DIP2C: variants seen among roughly 807,000 people sequenced by gnomAD.
DIP2C encodes the protein DIP2 acetate--CoA ligase C (putative).
A neutral mutation model predicts 192.4 loss-of-function variants in DIP2C; 33 were observed. That is an observed-to-expected ratio of 0.17 (90% CI 0.13 to 0.23). The LOEUF (loss-of-function observed/expected upper bound fraction) is 0.23. DIP2C is among the 10% of genes least tolerant of loss of function. The pLI, the probability that DIP2C is intolerant of heterozygous loss-of-function variation, is 1.00. For synonymous variants in DIP2C, 979 were observed against 864.1 expected, an observed-to-expected ratio of 1.13 and a Z score of -2.33; for missense variants, 1,537 against 2,110.1, an observed-to-expected ratio of 0.73 and a Z score of 5.32.
At chr10:489,005 C>T (rs1844230087) in intron 1 of DIP2C, among the ~76,000 whole-genome samples, 1 of 152,144 alleles carries the variant, frequency 6.6e-6, no homozygotes, top group Non-Finnish European at 1.5e-5. Flanking sequence ...TTTACCTGTT[C>T]AGTTACTGGG....
intron 2 of DIP2C, among the ~76,000 whole-genome samples, chr10:479,474 C>G (rs761937699): frequency 6.6e-6 from 1 of 151,894 alleles, no homozygotes; most frequent in Non-Finnish European, 1.5e-5. Context: ...GCTGGAATTA[C>G]AGGCACCCAT....
At chr10:368,269 C>T (rs943259240) in intron 18 of DIP2C, among the ~76,000 whole-genome samples, 3 of 152,234 alleles carry the variant, frequency 2.0e-5, no homozygotes, top group African/African-American at 4.8e-5. Context: ...CTGACAGGGG[C>T]CTGGGAAGCC....
intron 29 of DIP2C, among the ~76,000 whole-genome samples, chr10:333,221 C>A (rs555311317): frequency 1.4e-4 from 21 of 152,240 alleles, no homozygotes; most frequent in African/African-American, 4.8e-4. Flanking sequence ...TTAAAACACC[C>A]GTCGGCTTTA....
At chr10:408,694 C>A (rs559696813) in intron 9 of DIP2C, among the ~76,000 whole-genome samples, 1 of 152,316 alleles carries the variant, frequency 6.6e-6, no homozygotes, top group Non-Finnish European at 1.5e-5. Flanking sequence ...CACATCTAAA[C>A]TGGGGCATAA....
rs149563719 is a variant in DIP2C, at chr10:279,112, C to G, written c.4419-1535G>C. On this transcript the variant is annotated intron_variant, in intron 36 of 36. Coordinates refer to ENST00000280886, the MANE Select transcript of DIP2C (RefSeq NM_014974.3). The stretch of plus-strand genomic sequence containing the variant: ...ATTGGAGAATTTTCCTGGAAATTCT[C>G]AACAGTTCTCCTGGATTTTGCTTTG... Among the ~76,000 whole-genome samples the G allele has an allele frequency of 2.5e-3, 381 of 152,290 alleles. 3 individuals carry two copies. The highest frequency in any genetic ancestry group is 8.7e-3 in the African/African-American group (360 of 41,554).
intron 33 of DIP2C, among the ~76,000 whole-genome samples, chr10:287,908 TA>T (rs1321596388): frequency 6.6e-6 from 1 of 152,222 alleles, no homozygotes; most frequent in Admixed American, 6.5e-5. Flanking sequence ...AACCTTTAGC[TA>T]GGTGTGGCCA....
At chr10:315,406 C>T (rs1289701097) in intron 31 of DIP2C, among the ~76,000 whole-genome samples, 4 of 152,138 alleles carry the variant, frequency 2.6e-5, no homozygotes, top group Admixed American at 6.5e-5. Context: ...TCTTGTGACA[C>T]GTATTTGCTG....
At chr10:526,734 C>T (rs73581612) in intron 1 of DIP2C, among the ~76,000 whole-genome samples, 1 of 152,150 alleles carries the variant, frequency 6.6e-6, no homozygotes, top group South Asian at 2.1e-4. Context: ...TTCCGGAAGG[C>T]ATTTGTGTCA....
chr10:553,813 C>T (rs547155218), intron 1 of DIP2C, among the ~76,000 whole-genome samples: 76 of 151,574 alleles, frequency 5.0e-4, no homozygotes, highest in African/African-American at 1.7e-3. Flanking sequence ...GTAAGAGTGG[C>T]GAACAGGCAA....
intron 6 of DIP2C, among the ~76,000 whole-genome samples, chr10:418,325 G>A (rs1212282231): frequency 1.3e-5 from 2 of 151,696 alleles, no homozygotes; most frequent in Non-Finnish European, 2.9e-5. Context: ...CCTGTCCACT[G>A]TGCCTGTCGG....
chr10:378,590 CAT>C lies in DIP2C; in HGVS notation c.1991+4055_1991+4056del, dbSNP rs760799681. 2.0e-3 allele frequency among the ~76,000 whole-genome samples: 48 copies of C among 23,588 alleles called. 1 individual carries two copies. The highest frequency in any genetic ancestry group is 0.022 in the Middle Eastern group (1 of 46). 15.5% of individuals were successfully genotyped at this position (23,588 alleles called of 152,430 possible). On this transcript the variant is annotated intron_variant, in intron 17 of 36. Coordinates refer to ENST00000280886, the MANE Select transcript of DIP2C (RefSeq NM_014974.3). ...AAACATGCAGACATGTGAACGCAGA[CAT>C]AGACACACATGAACAGACATGCATA...
chr10:672,884 T>C (rs1830716538), intron 1 of DIP2C, among the ~76,000 whole-genome samples: 1 of 152,228 alleles, frequency 6.6e-6, no homozygotes, highest in Admixed American at 6.5e-5. Context: ...TGCATTTCTT[T>C]TGTCATCCAT....
chr10:668,321 A>G (rs1229576986), intron 1 of DIP2C: 2 of 152,258 alleles, frequency 1.3e-5, no homozygotes, highest in African/African-American at 4.8e-5. Context: ...GCAACTCAAC[A>G]CAAATACATG....
At chr10:440,813 G>T in intron 4 of DIP2C, 58 bp downstream of exon 4, 1 of 1,557,498 alleles carries the variant, frequency 6.4e-7, no homozygotes. Context: ...GCTGGGCTAG[G>T]TCAATTCTGA....
chr10:637,442 G>A (rs1161830898), intron 1 of DIP2C, among the ~76,000 whole-genome samples: 2 of 152,244 alleles, frequency 1.3e-5, no homozygotes, highest in Non-Finnish European at 2.9e-5. Flanking sequence ...GGAAGTCCAT[G>A]GTCAAGACCT....
At position 363,460 on chromosome 10, in the gene DIP2C, C is replaced by T. The variant is rs1564617169; in HGVS notation, c.2478-149G>A. ...GCCGCTGTACTTCCGAATTTCCCCA[C>T]ACTCATCAGTACGGGAAGAACTGTG... On this transcript the variant is annotated intron_variant, in intron 20 of 36. Coordinates refer to ENST00000280886, the MANE Select transcript of DIP2C (RefSeq NM_014974.3). The surrounding 1 kb of genome is among the most constrained non-coding windows in gnomAD (Gnocchi z 5.4). The T allele has an allele frequency of 1.5e-6, 1 of 684,744 alleles. No individual in the cohort carries two copies. The highest frequency in any genetic ancestry group is 2.5e-6 in the Non-Finnish European group (1 of 398,284). The allele number at this position is 684,744 out of a possible 1,614,324, so 42.4% of individuals were successfully genotyped here. A position where few individuals can be genotyped will look rare whatever the true frequency, so the allele number is the denominator to read the frequency against.
intron 1 of DIP2C, among the ~76,000 whole-genome samples, chr10:532,331 C>CTCT (rs887107761): frequency 2.0e-5 from 3 of 152,146 alleles, no homozygotes; most frequent in African/African-American, 7.2e-5. Flanking sequence ...AAGCCACTCC[C>CTCT]TCTCTCCCCT....
chr10:594,422 C>A (rs368601302), intron 1 of DIP2C, among the ~76,000 whole-genome samples: 18 of 151,816 alleles, frequency 1.2e-4, no homozygotes, highest in African/African-American at 4.1e-4. Context: ...GGAACATGGC[C>A]GAGTACAAAC....
At chr10:349,179 C>A in intron 25 of DIP2C, 152 bp downstream of exon 25, 2 of 1,144,658 alleles carry the variant, frequency 1.7e-6, no homozygotes, top group Non-Finnish European at 2.4e-6. Flanking sequence ...TAGCCAGACA[C>A]AAACGGGCTG....
Sources: allele counts gnomAD v4.1 joint callset (sites outside exome capture counted in the v4.1 genomes callset), GRCh38; gene constraint gnomAD v4.1.1; non-coding constraint Gnocchi (gnomAD v3.1); transcripts MANE v1.5; gene names NCBI Gene and HGNC (gene_info 2026-07-23, HGNC 2026-07-21).